The following BMPR2 variants were observed in gnomAD, a reference collection of about 807,000 sequenced individuals.
The protein encoded by BMPR2 is bone morphogenetic protein receptor type 2, also known as bone morphogenetic protein receptor type-2.
In BMPR2, 29 loss-of-function variants were observed where a neutral mutation model predicts 100.8. The observed-to-expected ratio is 0.29, with a 90% confidence interval of 0.21 to 0.39. The LOEUF (loss-of-function observed/expected upper bound fraction) is 0.39, where lower values mean the gene tolerates loss of function less well. Among genes scored for constraint, BMPR2 ranks in the 10% least tolerant of loss-of-function variants. BMPR2 has a pLI of 1.00. For synonymous variants in BMPR2, 382 were observed against 442.3 expected (o/e 0.86, Z 1.71); for missense variants, 1,011 against 1,274.5 (o/e 0.79, Z 3.15).
At chr2:202,481,398 T>C (rs922592108) in intron 3 of BMPR2, among the ~76,000 whole-genome samples, 10 of 152,120 alleles carry the variant, frequency 6.6e-5, no homozygotes, top group Non-Finnish European at 1.5e-4. Flanking sequence ...ATGGCTGGTC[T>C]CGAACTCCTG....
intron 3 of BMPR2, chr2:202,505,389 T>C (rs1687500665): frequency 6.7e-6 from 1 of 149,826 alleles, no homozygotes; most frequent in African/African-American, 2.5e-5. Context: ...AGGATTTTAC[T>C]CTGTCTTCTA....
At chr2:202,466,389 C>G (rs771989366) in intron 2 of BMPR2, among the ~76,000 whole-genome samples, 1 of 151,902 alleles carries the variant, frequency 6.6e-6, no homozygotes, top group African/African-American at 2.4e-5. Context: ...CGGGTTCAAG[C>G]GATTCTCCTG....
chr2:202,535,223 G>C lies in BMPR2; in HGVS notation c.1276+2491G>C, dbSNP rs560970288. 3.6e-3 allele frequency among the ~76,000 whole-genome samples: 542 copies of C among 151,962 alleles called. 3 individuals are homozygous for C. Among genetic ancestry groups the C allele is most frequent in the Non-Finnish European group, 6.3e-3 (427 of 67,898 alleles). On this transcript the variant is annotated intron_variant, in intron 9 of 12. Transcript: ENST00000374580. Reference sequence around the variant, plus strand: ...CCCTCCCGGACGGGGTGGCTGCCGGGCGGAGACACTCCTCACTTCCCAGAC... The same window carrying C: ...CCCTCCCGGACGGGGTGGCTGCCGGCCGGAGACACTCCTCACTTCCCAGAC...
chr2:202,433,904 C>T (rs896589272), intron 1 of BMPR2, among the ~76,000 whole-genome samples: 11 of 149,828 alleles, frequency 7.3e-5, no homozygotes, highest in Non-Finnish European at 1.5e-5. Flanking sequence ...GAGACTCTGT[C>T]TCAAAAAATA....
intron 3 of BMPR2, among the ~76,000 whole-genome samples, chr2:202,507,475 G>A (rs762614493): frequency 3.3e-5 from 5 of 151,994 alleles, no homozygotes; most frequent in Admixed American, 6.5e-5. Flanking sequence ...CTGCATCCTC[G>A]AACTGCTGGG....
intron 1 of BMPR2, among the ~76,000 whole-genome samples, chr2:202,407,114 T>C (rs906736045): frequency 6.6e-6 from 1 of 151,858 alleles, no homozygotes. Flanking sequence ...TTTGTATTTT[T>C]TTTTTTTGAG....
intron 5 of BMPR2, 31 bp downstream of exon 5, chr2:202,515,010 T>A: frequency 6.4e-7 from 1 of 1,567,934 alleles, no homozygotes; most frequent in East Asian, 2.2e-5. Flanking sequence ...TGGACTGTTG[T>A]TTCTACTGTG....
intron 11 of BMPR2, among the ~76,000 whole-genome samples, chr2:202,553,750 G>A (rs961259852): frequency 1.6e-4 from 25 of 151,834 alleles, no homozygotes; most frequent in African/African-American, 6.1e-4. Flanking sequence ...GTGCAGTGGC[G>A]TGATCCTGGC....
At chr2:202,540,336 A>G (rs1427943116) in intron 9 of BMPR2, among the ~76,000 whole-genome samples, 1 of 152,132 alleles carries the variant, frequency 6.6e-6, no homozygotes, top group Non-Finnish European at 1.5e-5. Context: ...CAATTCACAG[A>G]TGGTATAGGA....
chr2:202,469,542 C>T (rs1211952294), intron 3 of BMPR2: 22 of 308,304 alleles, frequency 7.1e-5, no homozygotes, highest in East Asian at 1.2e-4. Flanking sequence ...TACAGTGGCA[C>T]GATCCCGGCT....
chr2:202,450,915 A>C (rs1196338240), intron 1 of BMPR2, among the ~76,000 whole-genome samples: 1 of 152,114 alleles, frequency 6.6e-6, no homozygotes, highest in African/African-American at 2.4e-5. Flanking sequence ...CTGGGAAAGG[A>C]ATACTGTTGC....
intron 9 of BMPR2, among the ~76,000 whole-genome samples, chr2:202,540,387 T>C (rs575423115): frequency 9.8e-5 from 15 of 152,314 alleles, no homozygotes; most frequent in African/African-American, 2.9e-4. Context: ...GAAAGTGATA[T>C]ACTAACTGCC....
chr2:202,392,792 AGACCAGCCT>A (rs1690576268), intron 1 of BMPR2, among the ~76,000 whole-genome samples: 1 of 152,110 alleles, frequency 6.6e-6, no homozygotes. Context: ...CGGGAGTTCG[AGACCAGCCT>A]GACCAACATG....
chr2:202,555,308 C>T lies in BMPR2; in HGVS notation c.1643C>T (p.Ser548Phe). The change falls in exon 12 of 13, where the codon TCC becomes TTC. Residue 548 changes from serine to phenylalanine, a missense_variant. Ser to Phe is a radical substitution (Grantham distance 155). Coordinates refer to ENST00000374580, the MANE Select transcript of BMPR2 (RefSeq NM_001204.7). The part of the protein sequence containing the change: ...PKIGPYPDYS[S>F]SSYIEDSIHH... ...ATTGGTCCTTATCCAGATTATTCTT[C>T]CTCCTCATACATTGAAGACTCTATC... 1 of 1,614,132 alleles carries T rather than the reference C, an allele frequency of 6.2e-7. No homozygotes were observed. The highest frequency in any genetic ancestry group is 1.1e-5 in the South Asian group (1 of 91,074).
chr2:202,544,013 T>A (rs1199496), intron 10 of BMPR2, among the ~76,000 whole-genome samples: 42,861 of 151,668 alleles, frequency 0.28, 6,007 homozygotes, highest in Middle Eastern at 0.32. Flanking sequence ...TAAAAAAAAA[T>A]GTCATCAAGT....
intron 7 of BMPR2, among the ~76,000 whole-genome samples, chr2:202,524,372 A>AC (rs1687870882): frequency 6.6e-6 from 1 of 150,812 alleles, no homozygotes; most frequent in Admixed American, 6.6e-5. Flanking sequence ...AAAAAAAAAA[A>AC]AAAAACAACT....
At chr2:202,425,948 T>C (rs1173659076) in intron 1 of BMPR2, among the ~76,000 whole-genome samples, 4 of 152,152 alleles carry the variant, frequency 2.6e-5, no homozygotes, top group Admixed American at 6.5e-5. Context: ...GTAAGAATTA[T>C]CCAAAATATG....
intron 2 of BMPR2, among the ~76,000 whole-genome samples, 193 bp downstream of exon 2, chr2:202,465,172 G>A (rs1692295561): frequency 6.6e-6 from 1 of 152,028 alleles, no homozygotes; most frequent in African/African-American, 2.4e-5. Context: ...GATCACTTGA[G>A]GCCAGGAGTT....
chr2:202,510,922 G>A (rs181203716), intron 3 of BMPR2, among the ~76,000 whole-genome samples: 9 of 150,902 alleles, frequency 6.0e-5, no homozygotes, highest in African/African-American at 9.7e-5. Context: ...CTTGTGATCC[G>A]TCTGCCTCAG....
Sources: gnomAD v4.1 joint callset for allele counts (sites outside exome capture counted in the v4.1 genomes callset) on GRCh38, gnomAD v4.1.1 for gene constraint, MANE v1.5 for transcripts, NCBI Gene and HGNC (gene_info 2026-07-23, HGNC 2026-07-21) for gene names.